The following SNX13 variants were observed in gnomAD, a reference collection of about 807,000 sequenced individuals.
SNX13 encodes sorting nexin-13.
In SNX13, 45 loss-of-function variants were observed where a neutral mutation model predicts 133.6. The observed-to-expected ratio is 0.34, with a 90% CI of 0.27 to 0.43. The LOEUF is 0.43. Among genes scored for constraint, SNX13 ranks in the 20% least tolerant of loss-of-function variants. The probability of loss-of-function intolerance (pLI) is 1.00; values close to 1 mark genes in which losing one functional copy is unlikely to be tolerated. For synonymous variants in SNX13, 414 were observed against 373.9 expected (o/e 1.11, Z -1.24); for missense variants, 1,032 against 1,145.1 (o/e 0.90, Z 1.43).
intron 3 of SNX13, among the ~76,000 whole-genome samples, chr7:17,893,071 G>A (rs1012833755): frequency 6.6e-6 from 1 of 152,096 alleles, no homozygotes; most frequent in Non-Finnish European, 1.5e-5. Context: ...AAGACAGCAG[G>A]AAAAATACCC....
chr7:17,871,294 C>T (rs1421590851), intron 8 of SNX13, among the ~76,000 whole-genome samples: 1 of 152,048 alleles, frequency 6.6e-6, no homozygotes, highest in African/African-American at 2.4e-5. Flanking sequence ...CGTGAGCCAC[C>T]GCGCCTGGCC....
rs1788355546 is a variant in SNX13, at chr7:17,830,362, A to T, written c.1598-315T>A. The T allele has an allele frequency of 3.0e-6, 3 of 984,324 alleles. No homozygotes were observed. The South Asian group carries it at 1.4e-4, about 46-fold the overall frequency. The allele number at this position is 984,324 out of a possible 1,614,324, so 61.0% of individuals were successfully genotyped here. On this transcript the variant is annotated intron_variant, in intron 15 of 25. Transcript: ENST00000428135. ...TGGTATCAAGTAAGTTGCCTAATAC[A>T]ATATAAGCATGAGGAAAACATTGCA... is the stretch of plus-strand genomic sequence containing the variant.
At position 17,799,115 on chromosome 7, in the gene SNX13, T is replaced by C. The variant is rs1462134063; in HGVS notation, c.2338A>G (p.Met780Val). ...NIPLRVMLLL[M>V]DEVFDLKERN... ...TCTTTTAAGTCGAATACTTCATCCA[T>C]GAGAAGCAGCATTACCCTAAGTGGA... is the stretch of plus-strand genomic sequence containing the variant. The change falls in exon 23 of 26, where the codon ATG (methionine) becomes GTG (valine). Residue 780 changes from methionine (M) to valine (V), a missense_variant. Transcript: ENST00000428135. 1.2e-6 allele frequency: 2 copies of C among 1,610,086 alleles called. No homozygotes were observed. The highest frequency in any genetic ancestry group is 1.7e-5 in the Admixed American group (1 of 59,674).
rs188448397 is a variant in SNX13, at chr7:17,850,816, C to T, written c.976+10G>A. On this transcript the variant is annotated intron_variant, in intron 10 of 25. Coordinates refer to ENST00000428135, the MANE Select transcript of SNX13 (RefSeq NM_015132.5). ...AAAAAAATATATCTTAAATTAAATA[C>T]ATTACTTACCATCACCAGCTGTATC... The T allele has an allele frequency of 6.1e-4, 940 of 1,546,698 alleles. 1 individual carries two copies. Among genetic ancestry groups the T allele is most frequent in the Admixed American group, 8.9e-4 (40 of 44,714 alleles).
intron 1 of SNX13, among the ~76,000 whole-genome samples, chr7:17,927,299 G>C (rs1316600920): frequency 1.3e-5 from 2 of 151,832 alleles, no homozygotes; most frequent in African/African-American, 4.8e-5. Flanking sequence ...CTAGAGTGCA[G>C]TGATGCGATC....
intron 9 of SNX13, among the ~76,000 whole-genome samples, chr7:17,854,725 T>C (rs1167003151): frequency 6.6e-6 from 1 of 152,176 alleles, no homozygotes; most frequent in Non-Finnish European, 1.5e-5. Flanking sequence ...TTCTGACAGC[T>C]CCACAACTGA....
intron 18 of SNX13, among the ~76,000 whole-genome samples, chr7:17,819,748 A>T (rs1787072936): frequency 6.6e-6 from 1 of 152,176 alleles, no homozygotes; most frequent in Admixed American, 6.5e-5. Flanking sequence ...AAGACCCTAA[A>T]TCTTATTTAC....
Position 17,872,084 on chromosome 7 carries a change from C to T in SNX13, c.753+1444G>A, listed in dbSNP as rs937563725. ...TTCAAGAGGGCAGCTCAGAGTTGCC[C>T]GGAGCTCAGAAGGTAAATCTGAAAT... is the stretch of plus-strand genomic sequence containing the variant. On this transcript the variant is annotated intron_variant, in intron 8 of 25. Transcript: ENST00000428135. Among the ~76,000 whole-genome samples, 4 of 152,124 alleles carry T rather than the reference C, an allele frequency of 2.6e-5. No individual in the cohort carries two copies. The South Asian group carries it at 8.3e-4, about 32-fold the overall frequency.
At chr7:17,909,978 T>G (rs960570826) in intron 1 of SNX13, among the ~76,000 whole-genome samples, 2 of 152,184 alleles carry the variant, frequency 1.3e-5, no homozygotes, top group Admixed American at 1.3e-4. Flanking sequence ...TTAGTAAATA[T>G]GTCACAGCAA....
chr7:17,875,461 A>T lies in SNX13; in HGVS notation c.664+19T>A. On this transcript the variant is annotated intron_variant, in intron 7 of 25. Coordinates refer to ENST00000428135, the MANE Select transcript of SNX13 (RefSeq NM_015132.5). ...TCTAGCCAGCTACTATTGTCAAAAA[A>T]GTTAAATTAAAAGAAAACCTTCTTC... The T allele has an allele frequency of 6.3e-7, 1 of 1,598,680 alleles. No homozygotes were observed. The highest frequency in any genetic ancestry group is 1.1e-5 in the South Asian group (1 of 88,582).
chr7:17,867,082 A>C (rs1194596271), intron 9 of SNX13, among the ~76,000 whole-genome samples: 1 of 152,212 alleles, frequency 6.6e-6, no homozygotes, highest in East Asian at 1.9e-4. Flanking sequence ...ATAACTTCTT[A>C]GGAGTTCCTA....
At position 17,850,425 on chromosome 7, in the gene SNX13, A is replaced by C. The variant is rs766845355; in HGVS notation, c.987T>G (p.Thr329=). 6.4e-7 allele frequency: 1 copy of C among 1,567,028 alleles called. No individual in the cohort carries two copies. Residue 329 remains threonine (T), a synonymous_variant, in exon 11 of 26, where the codon ACT becomes ACG. Transcript: ENST00000428135. ...SLDTAGDDIN[T]IKNQINSLLF... is the part of the protein sequence containing the mutation. ...GTAAGCTATTTATTTGATTTTTGATAGTGTTGATATCTAAAAGCAAAGAAA... is the reference window on the plus strand; with the variant it reads ...GTAAGCTATTTATTTGATTTTTGATCGTGTTGATATCTAAAAGCAAAGAAA...
At chr7:17,842,359 CA>C (rs1790000920) in intron 12 of SNX13, among the ~76,000 whole-genome samples, 1 of 151,842 alleles carries the variant, frequency 6.6e-6, no homozygotes, top group Non-Finnish European at 1.5e-5. Context: ...CTATATCTGG[CA>C]AAACTATACT....
At chr7:17,830,928 T>G (rs1461749851) in intron 15 of SNX13, 1 of 984,392 alleles carries the variant, frequency 1.0e-6, no homozygotes, top group Non-Finnish European at 1.2e-6. Context: ...CCTTCCAAAT[T>G]TACTCTAAAT....
At chr7:17,883,911 T>C (rs1795666897) in intron 5 of SNX13, among the ~76,000 whole-genome samples, 1 of 152,226 alleles carries the variant, frequency 6.6e-6, no homozygotes, top group South Asian at 2.1e-4. Context: ...TGCTTGTTTT[T>C]ATAAATATAG....
Position 17,798,895 on chromosome 7 carries a change from T to A in SNX13, c.2444+114A>T, listed in dbSNP as rs375679994. 3.3e-4 allele frequency: 442 copies of A among 1,328,002 alleles called. No individual in the cohort carries two copies. The African/African-American group carries it at 5.3e-3, about 16-fold the overall frequency. The allele number at this position is 1,328,002 out of a possible 1,614,324, so 82.3% of individuals were successfully genotyped here. A position where few individuals can be genotyped will look rare whatever the true frequency, so the allele number is the denominator to read the frequency against. ...GCAACAGACTGCTTTAATGATGTCC[T>A]TAAAAGGCCCAGAGAAAAAAATTCT... On this transcript the variant is annotated intron_variant, in intron 23 of 25. Transcript: ENST00000428135.
At chr7:17,798,576 A>G (rs930482498) in intron 24 of SNX13, 114 bp downstream of exon 24, 32 of 738,164 alleles carry the variant, frequency 4.3e-5, no homozygotes, top group South Asian at 7.0e-5. Context: ...CTCATCAATG[A>G]TAACTAAACC....
In SNX13 at chr7:17,925,217, A is replaced by T. The variant is rs189647388; in HGVS notation, c.12+15067T>A. On this transcript the variant is annotated intron_variant, in intron 1 of 25. Transcript: ENST00000428135. ...TGAAAAAGTGAGACTCCGTCTCAAA[A>T]AAAATAGGCAAAACCATAAAGACAG... Among the ~76,000 whole-genome samples, 41 of 152,316 alleles carry T rather than the reference A, an allele frequency of 2.7e-4. 1 individual carries two copies. In the East Asian group the frequency reaches 7.3e-3, roughly 27 times the overall value.
At chr7:17,921,389 G>A (rs1451578330) in intron 1 of SNX13, among the ~76,000 whole-genome samples, 1 of 152,072 alleles carries the variant, frequency 6.6e-6, no homozygotes, top group African/African-American at 2.4e-5. Context: ...CAATTTCCCA[G>A]TGATTCCATC....
Sources: gnomAD v4.1 joint callset for allele counts (sites outside exome capture counted in the v4.1 genomes callset) on GRCh38, gnomAD v4.1.1 for gene constraint, MANE v1.5 for transcripts, NCBI Gene and HGNC (gene_info 2026-07-23, HGNC 2026-07-21) for gene names.